Variants in SETBP1 observed in about 807,000 individuals in gnomAD.
SETBP1 encodes SET binding protein 1, also known as SET-binding protein.
Under a neutral mutation model 101.0 loss-of-function variants are expected in SETBP1, and 9 were observed. The ratio of observed to expected loss-of-function variants is 0.09; its 90% CI spans 0.05 to 0.16. The LOEUF (loss-of-function observed/expected upper bound fraction) is 0.16, where lower values mean the gene tolerates loss of function less well. SETBP1 is among the 10% of genes least tolerant of loss of function. The pLI, the probability that SETBP1 is intolerant of heterozygous loss-of-function variation, is 1.00. For missense variants in SETBP1, 1,858 were observed against 2,033.8 expected (o/e 0.91, Z 1.66); for synonymous variants, 818 against 788.5 (o/e 1.04, Z -0.63).
rs2071367043 is a variant in SETBP1 at position 44,952,053 on chromosome 18, A to G, written c.2713A>G (p.Ile905Val). Residue 905 changes from isoleucine (I) to valine (V), a missense_variant, in exon 4 of 6, where the codon ATT becomes GTT. By Grantham distance (29) the Ile-to-Val change is conservative (BLOSUM62 3). Transcript: ENST00000649279. ...CTGCTCCCTGGACAACCCGGAGGCC[A>G]TTCCGTCCGACACCAGCACAAAGAA... ...DFCSLDNPEA[I>V]PSDTSTKNRH... 1.2e-6 allele frequency: 2 copies of G among 1,614,124 alleles called. No individual in the cohort carries two copies. Among genetic ancestry groups the G allele is most frequent in the Non-Finnish European group, 1.7e-6 (2 of 1,180,040 alleles).
At position 44,763,940 on chromosome 18, in the gene SETBP1, C is replaced by G. The variant is rs150094280; in HGVS notation, c.486+62108C>G. Among the ~76,000 whole-genome samples the G allele has an allele frequency of 1.4e-4, 22 of 152,302 alleles. No homozygotes were observed. In the East Asian group the frequency reaches 4.2e-3, roughly 29 times the overall value. ...TTCTCTTCTCTGTCCTTTCTCATGG[C>G]ATTAAATATCATTTACACACATAGA... On this transcript the variant is annotated intron_variant, in intron 2 of 5. Coordinates refer to ENST00000649279, the MANE Select transcript of SETBP1 (RefSeq NM_015559.3).
At chr18:45,034,939 A>G (rs1211874950) in intron 4 of SETBP1, among the ~76,000 whole-genome samples, 1 of 152,128 alleles carries the variant, frequency 6.6e-6, no homozygotes, top group African/African-American at 2.4e-5. Context: ...TCTAGCATCA[A>G]AAATCTCCCT....
At chr18:44,860,192 T>C (rs1181347089) in intron 2 of SETBP1, among the ~76,000 whole-genome samples, 1 of 152,114 alleles carries the variant, frequency 6.6e-6, no homozygotes, top group Non-Finnish European at 1.5e-5. Context: ...AAAGCGAGGG[T>C]GGATATTCCC....
chr18:45,046,856 T>G (rs1435501009), intron 5 of SETBP1, among the ~76,000 whole-genome samples: 1 of 152,228 alleles, frequency 6.6e-6, no homozygotes, highest in Non-Finnish European at 1.5e-5. Context: ...AAGCAACTCA[T>G]AATCTTATTT....
chr18:44,839,518 G>A (rs558076990), intron 2 of SETBP1, among the ~76,000 whole-genome samples: 5 of 152,316 alleles, frequency 3.3e-5, no homozygotes, highest in East Asian at 3.9e-4. Context: ...ACCATGGGAC[G>A]TGCCCTCTGC....
chr18:44,991,146 G>A (rs1180283946), intron 4 of SETBP1, among the ~76,000 whole-genome samples: 2 of 150,108 alleles, frequency 1.3e-5, no homozygotes, highest in Non-Finnish European at 3.0e-5. Flanking sequence ...AGGAGACTAA[G>A]GCGAGAGAAT....
chr18:44,827,541 A>G (rs1168744751), intron 2 of SETBP1, among the ~76,000 whole-genome samples: 1 of 152,216 alleles, frequency 6.6e-6, no homozygotes, highest in African/African-American at 2.4e-5. Flanking sequence ...TATCAAATGT[A>G]TATCATTGAC....
intron 2 of SETBP1, among the ~76,000 whole-genome samples, chr18:44,857,749 G>A (rs984151200): frequency 2.6e-5 from 4 of 152,178 alleles, no homozygotes; most frequent in Non-Finnish European, 2.9e-5. Context: ...CCAAAAATGG[G>A]TAGACTGTGA....
intron 2 of SETBP1, among the ~76,000 whole-genome samples, chr18:44,708,848 T>A (rs1254166775): frequency 6.6e-6 from 1 of 152,252 alleles, no homozygotes; most frequent in Non-Finnish European, 1.5e-5. Context: ...TAAGGGCCAT[T>A]CTGTTTCATC....
chr18:45,022,973 G>A (rs1299362835), intron 4 of SETBP1, among the ~76,000 whole-genome samples: 2 of 152,216 alleles, frequency 1.3e-5, no homozygotes, highest in African/African-American at 2.4e-5. Flanking sequence ...TTATTGATGA[G>A]TAAACTGAAG....
chr18:44,949,229 G>A (rs190386277), intron 3 of SETBP1, among the ~76,000 whole-genome samples: 1 of 152,180 alleles, frequency 6.6e-6, no homozygotes, highest in East Asian at 1.9e-4. Context: ...TCCCATGCAG[G>A]CTTCATACTT....
At chr18:44,940,602 T>C (rs1234487489) in intron 3 of SETBP1, among the ~76,000 whole-genome samples, 1 of 152,152 alleles carries the variant, frequency 6.6e-6, no homozygotes, top group Non-Finnish European at 1.5e-5. Context: ...TGAACTAATA[T>C]TACATCCCTT....
rs147824825 is a variant in SETBP1, at chr18:44,868,667, CGAGAGAGA to C, written c.487-539_487-532del. Among the ~76,000 whole-genome samples, 133 of 87,176 alleles carry C rather than the reference CGAGAGAGA, an allele frequency of 1.5e-3. 2 individuals are homozygous for C. The highest frequency in any genetic ancestry group is 4.5e-3 in the African/African-American group (94 of 21,120). The allele number at this position is 87,176 out of a possible 152,430, so 57.2% of individuals were successfully genotyped here. On this transcript the variant is annotated intron_variant, in intron 2 of 5. Coordinates refer to ENST00000649279, the MANE Select transcript of SETBP1 (RefSeq NM_015559.3). ...CCAAGATCATGCCACTGTACTCCAG[CGAGAGAGA>C]GAGAGAGAGAGAGAGAGAGAGAGGA...
intron 3 of SETBP1, among the ~76,000 whole-genome samples, chr18:44,907,445 C>A (rs2070201227): frequency 6.6e-6 from 1 of 152,152 alleles, no homozygotes; most frequent in Non-Finnish European, 1.5e-5. Context: ...TTTTCCAAAG[C>A]AGTTGCACCA....
At chr18:44,854,572 C>G (rs1274837696) in intron 2 of SETBP1, among the ~76,000 whole-genome samples, 2 of 152,196 alleles carry the variant, frequency 1.3e-5, no homozygotes, top group Non-Finnish European at 2.9e-5. Flanking sequence ...CATGCCTACC[C>G]TACCACCTAC....
At chr18:44,827,911 T>C (rs369424611) in intron 2 of SETBP1, among the ~76,000 whole-genome samples, 18 of 152,270 alleles carry the variant, frequency 1.2e-4, no homozygotes, top group African/African-American at 4.3e-4. Context: ...AAGCAAAATA[T>C]GGCCAACCAG....
At chr18:44,721,688 G>A (rs920254983) in intron 2 of SETBP1, among the ~76,000 whole-genome samples, 3 of 152,026 alleles carry the variant, frequency 2.0e-5, no homozygotes, top group Admixed American at 1.3e-4. Flanking sequence ...TATGTTACCC[G>A]CTTTAAATAT....
chr18:44,977,136 C>A (rs964371085), intron 4 of SETBP1, among the ~76,000 whole-genome samples: 1 of 152,192 alleles, frequency 6.6e-6, no homozygotes, highest in African/African-American at 2.4e-5. Flanking sequence ...GGGGCCAACC[C>A]CCATGGCATT....
intron 2 of SETBP1, among the ~76,000 whole-genome samples, chr18:44,702,314 G>T (rs2069130378): frequency 1.3e-5 from 2 of 152,076 alleles, no homozygotes; most frequent in South Asian, 4.2e-4. Flanking sequence ...TCATATAAGT[G>T]GACTCTTGAA....
Sources: gnomAD v4.1 joint callset for allele counts (sites outside exome capture counted in the v4.1 genomes callset) on GRCh38, gnomAD v4.1.1 for gene constraint, MANE v1.5 for transcripts, NCBI Gene and HGNC (gene_info 2026-07-23, HGNC 2026-07-21) for gene names.